MAP2: variants seen among roughly 807,000 people sequenced by gnomAD.
The protein encoded by MAP2 is microtubule associated protein 2, also known as microtubule-associated protein 2.
In MAP2, 14 loss-of-function variants were observed where a neutral mutation model predicts 137.6. That is an observed-to-expected ratio of 0.10 (90% CI 0.07 to 0.16). The LOEUF (loss-of-function observed/expected upper bound fraction) is 0.16. Ranked by LOEUF, MAP2 falls within the 10% of genes least tolerant of loss-of-function variation. The pLI is 1.00. For synonymous variants in MAP2, 786 were observed against 782.3 expected, an observed-to-expected ratio of 1.00 and a Z score of -0.08; for missense variants, 2,088 against 2,191.5, an observed-to-expected ratio of 0.95 and a Z score of 0.94.
intron 2 of MAP2, among the ~76,000 whole-genome samples, chr2:209,522,008 A>G (rs2063353784): frequency 1.3e-5 from 2 of 152,128 alleles, no homozygotes; most frequent in South Asian, 4.1e-4. Flanking sequence ...CATAAATAAA[A>G]TTCAAATGAG....
rs57166815 is a variant in MAP2 at position 209,574,432 on chromosome 2, T to TACACACACACACAC, written c.-171-5588_-171-5575dup. 1.7e-3 allele frequency among the ~76,000 whole-genome samples: 260 copies of TACACACACACACAC among 148,790 alleles called. 2 individuals carry two copies. The highest frequency in any genetic ancestry group is 5.9e-3 in the African/African-American group (237 of 40,480). On this transcript the variant is annotated intron_variant, in intron 2 of 15. Coordinates refer to ENST00000682079, the MANE Select transcript of MAP2 (RefSeq NM_001375505.1). ...CTTTTTTAGAGCTGCATAGTATAGATACACACACACACACACACACACACA... is the reference window on the plus strand; with the variant it reads ...CTTTTTTAGAGCTGCATAGTATAGATACACACACACACACACACACACACACACACACACACACA...
At chr2:209,600,984 C>T (rs969701511) in intron 3 of MAP2, among the ~76,000 whole-genome samples, 2 of 152,120 alleles carry the variant, frequency 1.3e-5, no homozygotes, top group African/African-American at 4.8e-5. Flanking sequence ...TAGCTTGGGT[C>T]AGTTCAGGAT....
chr2:209,628,296 C>T lies in MAP2; in HGVS notation c.-30+3167C>T, dbSNP rs565404182. ...AGGAGAATCGCTTGAACCCGGGAGACGGAGGTTGCAGTGAGCCGAGATATT... is the reference window on the plus strand; with the variant it reads ...AGGAGAATCGCTTGAACCCGGGAGATGGAGGTTGCAGTGAGCCGAGATATT... On this transcript the variant is annotated intron_variant, in intron 4 of 15. Coordinates refer to ENST00000682079, the MANE Select transcript of MAP2 (RefSeq NM_001375505.1). 5.3e-5 allele frequency among the ~76,000 whole-genome samples: 8 copies of T among 152,060 alleles called. No homozygotes were observed. The South Asian group carries it at 6.2e-4, about 12-fold the overall frequency.
chr2:209,556,137 C>G (rs1428485104), intron 2 of MAP2, among the ~76,000 whole-genome samples: 1 of 150,140 alleles, frequency 6.7e-6, no homozygotes, highest in Non-Finnish European at 1.5e-5. Context: ...AACTCCCGGG[C>G]TCAAGTGATC....
intron 1 of MAP2, among the ~76,000 whole-genome samples, chr2:209,474,409 G>A (rs978518609): frequency 6.6e-6 from 1 of 151,882 alleles, no homozygotes; most frequent in African/African-American, 2.4e-5. Context: ...CAGTTATATC[G>A]CTGTTAAAAT....
chr2:209,658,508 TTAC>T (rs139771437), intron 5 of MAP2, among the ~76,000 whole-genome samples: 1 of 150,006 alleles, frequency 6.7e-6, no homozygotes, highest in African/African-American at 2.5e-5. Flanking sequence ...ATTATTATTA[TTAC>T]TATTTTTTTT....
intron 1 of MAP2, among the ~76,000 whole-genome samples, chr2:209,471,208 C>T (rs929833750): frequency 2.0e-5 from 3 of 152,198 alleles, no homozygotes; most frequent in Non-Finnish European, 4.4e-5. Flanking sequence ...TTCTCACCCA[C>T]TCTCCCTCTT....
intron 3 of MAP2, among the ~76,000 whole-genome samples, chr2:209,617,307 G>A (rs2089814208): frequency 6.6e-6 from 1 of 152,150 alleles, no homozygotes; most frequent in South Asian, 2.1e-4. Flanking sequence ...AATGAGCAGA[G>A]TGAGGGGGTT....
At chr2:209,450,729 G>A (rs1189347957) in intron 1 of MAP2, among the ~76,000 whole-genome samples, 1 of 152,040 alleles carries the variant, frequency 6.6e-6, no homozygotes, top group African/African-American at 2.4e-5. Flanking sequence ...ATGTGATTAA[G>A]GACTGTAGCT....
intron 1 of MAP2, among the ~76,000 whole-genome samples, chr2:209,472,043 G>C (rs1705870402): frequency 6.6e-6 from 1 of 152,016 alleles, no homozygotes; most frequent in South Asian, 2.1e-4. Flanking sequence ...GATATGTTAT[G>C]AACAGCTGAC....
Position 209,628,615 on chromosome 2 carries a change from A to G in MAP2, c.-30+3486A>G, listed in dbSNP as rs116450490. On this transcript the variant is annotated intron_variant, in intron 4 of 15. Coordinates refer to ENST00000682079, the MANE Select transcript of MAP2 (RefSeq NM_001375505.1). ...GAAGTCAGAATTATCTTTTAAAAAC[A>G]TCTTAATCAATTGATATGACTCTCC... Among the ~76,000 whole-genome samples, 544 of 152,312 alleles carry G rather than the reference A, an allele frequency of 3.6e-3. 4 individuals carry two copies. The highest frequency in any genetic ancestry group is 0.011 in the African/African-American group (467 of 41,566).
chr2:209,648,522 T>C (rs764122366), intron 4 of MAP2, among the ~76,000 whole-genome samples: 11 of 151,644 alleles, frequency 7.3e-5, no homozygotes, highest in Non-Finnish European at 1.5e-4. Context: ...AAATCATTGT[T>C]TTAGTCTTAG....
rs144321177 is a variant in MAP2, at chr2:209,444,761, G to A, written c.-222+20485G>A. On this transcript the variant is annotated intron_variant, in intron 1 of 15. Transcript: ENST00000682079. ...TTGAAACTTAGTTTGCTATTCAACC[G>A]TGTATTCTTTGAGGAAATTTGAAAG... Among the ~76,000 whole-genome samples, 12 of 151,418 alleles carry A rather than the reference G, an allele frequency of 7.9e-5. No homozygotes were observed. In the East Asian group the frequency reaches 2.3e-3, roughly 29 times the overall value.
At chr2:209,724,246 C>G (rs926687867) in intron 13 of MAP2, among the ~76,000 whole-genome samples, 1 of 152,026 alleles carries the variant, frequency 6.6e-6, no homozygotes, top group African/African-American at 2.4e-5. Flanking sequence ...TACACTTTAG[C>G]TTGATGGGAT....
At chr2:209,454,231 C>T (rs1700999004) in intron 1 of MAP2, among the ~76,000 whole-genome samples, 2 of 149,008 alleles carry the variant, frequency 1.3e-5, no homozygotes, top group Non-Finnish European at 3.0e-5. Flanking sequence ...TGAAAAAGCT[C>T]AATTCTAAAA....
intron 4 of MAP2, among the ~76,000 whole-genome samples, chr2:209,652,562 G>C (rs147702465): frequency 6.6e-6 from 1 of 151,926 alleles, no homozygotes; most frequent in African/African-American, 2.4e-5. Context: ...ATCTACCTTC[G>C]GCTTTAATTG....
chr2:209,436,165 A>C (rs1380798112), intron 1 of MAP2, among the ~76,000 whole-genome samples: 1 of 150,762 alleles, frequency 6.6e-6, no homozygotes, highest in Non-Finnish European at 1.5e-5. Flanking sequence ...GTTTTTGAAA[A>C]TCAGTTATAT....
chr2:209,513,685 C>T lies in MAP2; in HGVS notation c.-172+6044C>T, dbSNP rs138180425. 1.9e-3 allele frequency among the ~76,000 whole-genome samples: 288 copies of T among 152,056 alleles called. 1 individual carries two copies. The highest frequency in any genetic ancestry group is 6.6e-3 in the African/African-American group (275 of 41,516). ...CAATACTTGTTCTTTAAGATTCTTC[C>T]AGTGGGTAGTATTTTTGTATTCATC... On this transcript the variant is annotated intron_variant, in intron 2 of 15. Coordinates refer to ENST00000682079, the MANE Select transcript of MAP2 (RefSeq NM_001375505.1).
At chr2:209,676,720 C>CATATATATATATATAT (rs56283066) in intron 5 of MAP2, among the ~76,000 whole-genome samples, 2 of 71,836 alleles carry the variant, frequency 2.8e-5, no homozygotes, top group Non-Finnish European at 4.9e-5. Context: ...ACACAAAGGT[C>CATATATATATATATAT]ATATATATAT....
Sources: allele counts gnomAD v4.1 joint callset (sites outside exome capture counted in the v4.1 genomes callset), GRCh38; gene constraint gnomAD v4.1.1; transcripts MANE v1.5; gene names NCBI Gene and HGNC (gene_info 2026-07-23, HGNC 2026-07-21).